SOX6: variants seen among roughly 807,000 people sequenced by gnomAD.
SOX6 encodes transcription factor SOX-6.
SOX6 carries 11 observed loss-of-function variants against 97.8 expected under a neutral mutation model. The ratio of observed to expected loss-of-function variants is 0.11; its 90% confidence interval spans 0.07 to 0.19. The LOEUF (loss-of-function observed/expected upper bound fraction) is 0.19. Among genes scored for constraint, SOX6 ranks in the 10% least tolerant of loss-of-function variants. SOX6 has a pLI of 1.00. For missense variants in SOX6, 810 were observed against 1,039.5 expected (o/e 0.78, Z 3.04); for synonymous variants, 360 against 371.4 (o/e 0.97, Z 0.35).
chr11:16,320,107 T>C (rs986516396), intron 2 of SOX6, among the ~76,000 whole-genome samples: 5 of 152,134 alleles, frequency 3.3e-5, no homozygotes, highest in African/African-American at 1.2e-4. Context: ...GAAACAGCTA[T>C]TATTTTGCCA....
chr11:16,132,694 CT>C (rs111965760), intron 6 of SOX6, among the ~76,000 whole-genome samples: 13,716 of 137,124 alleles, frequency 0.1, 929 homozygotes, highest in East Asian at 0.36. Flanking sequence ...ATCGGGTTAC[CT>C]TTTTTTTTTT....
chr11:16,300,312 T>C lies in SOX6; in HGVS notation c.445+18134A>G, dbSNP rs950891548. Among the ~76,000 whole-genome samples the C allele has an allele frequency of 1.3e-5, 2 of 152,232 alleles. No homozygotes were observed. The highest frequency in any genetic ancestry group is 2.4e-5 in the African/African-American group (1 of 41,466). On this transcript the variant is annotated intron_variant, in intron 3 of 15. Coordinates refer to ENST00000683767, the MANE Select transcript of SOX6 (RefSeq NM_001367873.1). The surrounding 1 kb of genome is among the most constrained non-coding windows in gnomAD (Gnocchi z 4.1). ...AGTCCACAATATTAGACATTTTTAC[T>C]GTCCCTTCCTTAAGAAAAAGCAGGT... is the stretch of plus-strand genomic sequence containing the variant.
intron 7 of SOX6, among the ~76,000 whole-genome samples, chr11:16,100,460 TAA>T (rs1418897577): frequency 2.0e-5 from 3 of 151,720 alleles, no homozygotes; most frequent in Non-Finnish European, 1.5e-5. Context: ...GTTTTTATCA[TAA>T]GAGTACAAAA....
intron 6 of SOX6, among the ~76,000 whole-genome samples, chr11:16,174,254 A>G (rs1851120992): frequency 6.6e-6 from 1 of 151,912 alleles, no homozygotes; most frequent in Non-Finnish European, 1.5e-5. Context: ...ACTGAAACAT[A>G]CATGTATCAA....
chr11:16,508,348 C>T (rs1294889617), intron 4 of SOX6, among the ~76,000 whole-genome samples: 1 of 152,120 alleles, frequency 6.6e-6, no homozygotes, highest in Non-Finnish European at 1.5e-5. Flanking sequence ...AATCCAGCTA[C>T]TAGGTATTTA....
At chr11:16,520,625 C>T (rs904212525) in intron 4 of SOX6, among the ~76,000 whole-genome samples, 8 of 152,278 alleles carry the variant, frequency 5.3e-5, no homozygotes, top group African/African-American at 1.4e-4. Context: ...AGACAGTGGG[C>T]GTAGGACAGT....
intron 3 of SOX6, among the ~76,000 whole-genome samples, chr11:16,702,974 A>G (rs915624381): frequency 1.3e-5 from 2 of 150,464 alleles, no homozygotes; most frequent in Non-Finnish European, 3.0e-5. Flanking sequence ...TTCCCCACAC[A>G]TATCTTTAAG....
intron 3 of SOX6, among the ~76,000 whole-genome samples, chr11:16,678,301 T>C (rs988580681): frequency 2.6e-4 from 39 of 152,232 alleles, no homozygotes; most frequent in Non-Finnish European, 4.9e-4. Context: ...AACTTCCCTA[T>C]AGGGACTAAT....
intron 3 of SOX6, among the ~76,000 whole-genome samples, chr11:16,691,747 A>C (rs569666682): frequency 2.6e-5 from 4 of 152,212 alleles, no homozygotes; most frequent in Non-Finnish European, 5.9e-5. Context: ...CAGTGAGCCA[A>C]GATTGCACCA....
chr11:16,532,370 A>G (rs534831727), intron 4 of SOX6, among the ~76,000 whole-genome samples: 1 of 152,028 alleles, frequency 6.6e-6, no homozygotes, highest in South Asian at 2.1e-4. Context: ...TTATAGTCCT[A>G]TGACTTTAAT....
At chr11:16,494,123 C>G (rs1416291767) in intron 4 of SOX6, among the ~76,000 whole-genome samples, 1 of 152,064 alleles carries the variant, frequency 6.6e-6, no homozygotes, top group African/African-American at 2.4e-5. Flanking sequence ...ATGCCTGTAT[C>G]CCAGCACTTT....
intron 13 of SOX6, among the ~76,000 whole-genome samples, chr11:15,996,217 G>A (rs1213423073): frequency 6.6e-6 from 1 of 152,100 alleles, no homozygotes; most frequent in Non-Finnish European, 1.5e-5. Flanking sequence ...AAAAGATGAG[G>A]GTATAAATAG....
chr11:16,470,595 C>A (rs1860125191), intron 1 of SOX6, among the ~76,000 whole-genome samples: 1 of 152,090 alleles, frequency 6.6e-6, no homozygotes, highest in Non-Finnish European at 1.5e-5. Flanking sequence ...TCTCTACAAT[C>A]TCCTCCCCGA....
intron 14 of SOX6, among the ~76,000 whole-genome samples, 192 bp from the exon 15 acceptor site, chr11:15,986,612 T>A (rs1224210709): frequency 6.6e-6 from 1 of 152,222 alleles, no homozygotes; most frequent in East Asian, 1.9e-4. Context: ...GATACTTTCT[T>A]GTGTTATTTA....
chr11:16,001,746 T>C (rs1218366417), intron 13 of SOX6, among the ~76,000 whole-genome samples: 3 of 152,222 alleles, frequency 2.0e-5, no homozygotes, highest in African/African-American at 7.2e-5. Flanking sequence ...GAGAAAGCAC[T>C]AAGGACTAAA....
At chr11:16,671,780 G>T (rs889575386) in intron 3 of SOX6, among the ~76,000 whole-genome samples, 2 of 152,188 alleles carry the variant, frequency 1.3e-5, no homozygotes, top group African/African-American at 4.8e-5. Flanking sequence ...CCAACAGTCA[G>T]ATGTAGGAAA....
At chr11:16,448,542 G>C (rs1859655400) in intron 1 of SOX6, among the ~76,000 whole-genome samples, 1 of 152,044 alleles carries the variant, frequency 6.6e-6, no homozygotes, top group South Asian at 2.1e-4. Context: ...GATATGACCA[G>C]ATAACTTTTC....
intron 2 of SOX6, among the ~76,000 whole-genome samples, chr11:16,735,579 GGCACAGTGGAAAGT>G (rs1327390851): frequency 1.3e-5 from 2 of 152,078 alleles, no homozygotes; most frequent in Non-Finnish European, 2.9e-5. Flanking sequence ...GGGTTATATT[GGCACAGTGGAAAGT>G]GCACTGGCTT....
At position 15,998,952 on chromosome 11, in the gene SOX6, T is replaced by G. The variant is rs190964967; in HGVS notation, c.1733-9722A>C. 3.5e-4 allele frequency among the ~76,000 whole-genome samples: 53 copies of G among 152,176 alleles called. 2 individuals are homozygous for G. The East Asian group carries it at 9.8e-3, about 28-fold the overall frequency. On this transcript the variant is annotated intron_variant, in intron 13 of 15. Coordinates refer to ENST00000683767, the MANE Select transcript of SOX6 (RefSeq NM_001367873.1). Reference sequence around the variant, plus strand: ...TTTATAAAAATTAAAACTCTGCTTATCAAAAGTCATTGTTAAGAAAATAAA... The same window carrying G: ...TTTATAAAAATTAAAACTCTGCTTAGCAAAAGTCATTGTTAAGAAAATAAA...
Sources: gnomAD v4.1 joint callset for allele counts (sites outside exome capture counted in the v4.1 genomes callset) on GRCh38, gnomAD v4.1.1 for gene constraint, Gnocchi (gnomAD v3.1) non-coding constraint, MANE v1.5 for transcripts, NCBI Gene and HGNC (gene_info 2026-07-23, HGNC 2026-07-21) for gene names.